PTPRS: variants seen among roughly 807,000 people sequenced by gnomAD.
The protein encoded by PTPRS is receptor-type tyrosine-protein phosphatase S.
PTPRS carries 63 observed loss-of-function variants against 215.3 expected under a neutral mutation model. The ratio of observed to expected loss-of-function variants is 0.29; its 90% CI spans 0.24 to 0.36. The LOEUF is 0.36. Among genes scored for constraint, PTPRS ranks in the 10% least tolerant of loss-of-function variants. The pLI is 1.00. For synonymous variants in PTPRS, 1,404 were observed against 1,191.4 expected (o/e 1.18, Z -3.68); for missense variants, 2,258 against 2,825.8 (o/e 0.80, Z 4.56).
At chr19:5,300,918 A>G (rs1169451565) in intron 1 of PTPRS, among the ~76,000 whole-genome samples, 1 of 152,248 alleles carries the variant, frequency 6.6e-6, no homozygotes, top group African/African-American at 2.4e-5. Context: ...CCAATAGCAC[A>G]GAGGTCAGCA....
intron 6 of PTPRS, among the ~76,000 whole-genome samples, chr19:5,261,488 G>C (rs896577648): frequency 6.6e-6 from 1 of 152,152 alleles, no homozygotes; most frequent in Non-Finnish European, 1.5e-5. Flanking sequence ...AGGAAAAGGC[G>C]GCTCGGGGCT....
In PTPRS at chr19:5,244,055, C is replaced by G; in HGVS notation, c.1416G>C (p.Val472=). The G allele has an allele frequency of 6.2e-7, 1 of 1,610,570 alleles. No homozygotes were observed. ...VYYTMEPEHP[V]GNWQKHNVDD... is the part of the protein sequence containing the mutation. ...CCACGTTGTGCTTCTGCCAGTTGCC[C>G]ACGGGGTGCTCCGGTTCCATGGTGT... Residue 472 remains valine, a synonymous_variant, in exon 11 of 38, where the codon GTG becomes GTC. Coordinates refer to ENST00000262963, the MANE Select transcript of PTPRS (RefSeq NM_002850.4). The surrounding 1 kb of genome is among the most constrained non-coding windows in gnomAD (Gnocchi z 7.2).
intron 2 of PTPRS, among the ~76,000 whole-genome samples, chr19:5,275,602 T>A (rs561210239): frequency 2.8e-4 from 43 of 151,884 alleles, no homozygotes; most frequent in Non-Finnish European, 5.4e-4. Flanking sequence ...GGTCAGCAGT[T>A]CGAGACCAGC....
chr19:5,289,878 G>A (rs1430369885), intron 1 of PTPRS, among the ~76,000 whole-genome samples: 2 of 152,198 alleles, frequency 1.3e-5, no homozygotes, highest in Non-Finnish European at 2.9e-5. Flanking sequence ...GGAGCCCTAC[G>A]TGGCCCTGGG....
In PTPRS at chr19:5,219,299, A is replaced by G. The variant is rs116751783; in HGVS notation, c.3923+11T>C. The stretch of plus-strand genomic sequence containing the variant: ...GCTGTCAAGTCAAGTCGGGGAGGAC[A>G]TGGGGCTTACTTCTTGTAGAGCAGG... On this transcript the variant is annotated intron_variant, in intron 23 of 37. Transcript: ENST00000262963. 2.1e-3 allele frequency: 3,343 copies of G among 1,613,948 alleles called. 64 individuals are homozygous for G. The African/African-American group carries it at 0.04, about 20-fold the overall frequency.
rs779589734 is a variant in PTPRS at position 5,274,214 on chromosome 19, G to A, written c.222C>T (p.Asn74=). The A allele has an allele frequency of 3.1e-6, 5 of 1,613,892 alleles. No individual in the cohort carries two copies. The highest frequency in any genetic ancestry group is 4.2e-6 in the Non-Finnish European group (5 of 1,179,796). ...VTWNKKGKKV[N]SQRFETIEFD... is the part of the protein sequence containing the mutation. ...CCCAACTCACCTCAAAGCGCTGAGA[G>A]TTGACCTTCTTGCCCTTCTTGTTCC... is the stretch of plus-strand genomic sequence containing the variant. Residue 74 remains asparagine, a synonymous_variant, in exon 3 of 38, where the codon AAC becomes AAT. Transcript: ENST00000262963.
At chr19:5,238,485 T>A (rs2043683598) in intron 13 of PTPRS, among the ~76,000 whole-genome samples, 1 of 152,052 alleles carries the variant, frequency 6.6e-6, no homozygotes, top group South Asian at 2.1e-4. Flanking sequence ...CTGTGTCCTT[T>A]GCTCTGAGAA....
intron 16 of PTPRS, among the ~76,000 whole-genome samples, chr19:5,227,983 C>A (rs540620723): frequency 6.6e-6 from 1 of 152,122 alleles, no homozygotes; most frequent in South Asian, 2.1e-4. Context: ...GTGGGGTAGA[C>A]CCAGGCCAAG....
At chr19:5,228,572 G>A (rs1450276922) in intron 16 of PTPRS, among the ~76,000 whole-genome samples, 1 of 152,024 alleles carries the variant, frequency 6.6e-6, no homozygotes, top group African/African-American at 2.4e-5. Context: ...TTGAACTCCT[G>A]ACCTCAGGTG....
Position 5,244,983 on chromosome 19 carries a change from C to G in PTPRS, c.989-501G>C, listed in dbSNP as rs1021986297. On this transcript the variant is annotated intron_variant, in intron 10 of 37. Transcript: ENST00000262963. This position sits in a 1 kb window ranked among gnomAD's most constrained non-coding sequence, Gnocchi z 7.2. ...GCACCCGGCCTTTTTTTTCTTTTTT[C>G]TTTTTTTTTTTTTTTAGACGGAGCC... 9.2e-6 allele frequency among the ~76,000 whole-genome samples: 1 copy of G among 108,150 alleles called. No homozygotes were observed. Among genetic ancestry groups the G allele is most frequent in the Non-Finnish European group, 1.9e-5 (1 of 52,668 alleles). 71.0% of individuals were successfully genotyped at this position (108,150 alleles called of 152,430 possible).
At chr19:5,276,484 A>G (rs1338250921) in intron 2 of PTPRS, among the ~76,000 whole-genome samples, 4 of 151,640 alleles carry the variant, frequency 2.6e-5, no homozygotes, top group Admixed American at 6.6e-5. Context: ...TGGCCTCCCA[A>G]AGTGCTGGGA....
At chr19:5,323,656 C>A (rs1382391694) in intron 1 of PTPRS, among the ~76,000 whole-genome samples, 1 of 152,030 alleles carries the variant, frequency 6.6e-6, no homozygotes, top group South Asian at 2.1e-4. Flanking sequence ...AGAGTGAGGA[C>A]GGGGAGAGAG....
intron 1 of PTPRS, among the ~76,000 whole-genome samples, chr19:5,334,626 T>C (rs779535354): frequency 6.6e-6 from 1 of 152,206 alleles, no homozygotes; most frequent in Non-Finnish European, 1.5e-5. Context: ...GGTGTGTGTG[T>C]GCGGGGGGTG....
intron 2 of PTPRS, among the ~76,000 whole-genome samples, chr19:5,282,484 G>A (rs2047942109): frequency 6.6e-6 from 1 of 152,162 alleles, no homozygotes; most frequent in East Asian, 1.9e-4. Context: ...TTATGCCTGT[G>A]GCCAGGAGGA....
chr19:5,302,306 G>A (rs2049326197), intron 1 of PTPRS, among the ~76,000 whole-genome samples: 1 of 152,150 alleles, frequency 6.6e-6, no homozygotes, highest in Admixed American at 6.6e-5. Context: ...TGAGGTTGCA[G>A]GTGAGCTAAG....
intron 1 of PTPRS, among the ~76,000 whole-genome samples, chr19:5,297,613 C>A (rs543266034): frequency 6.6e-6 from 1 of 152,154 alleles, no homozygotes; most frequent in Admixed American, 6.5e-5. Context: ...TGCAAGGCTG[C>A]AAAAACTGGG....
At chr19:5,256,455 G>A (rs1049494610) in intron 8 of PTPRS, among the ~76,000 whole-genome samples, 1 of 152,026 alleles carries the variant, frequency 6.6e-6, no homozygotes, top group Non-Finnish European at 1.5e-5. Flanking sequence ...CCAAGAGGAT[G>A]GAGGCTCATG....
rs995087096 is a variant in PTPRS, at chr19:5,293,420, C to T, written c.-94-7186G>A. Among the ~76,000 whole-genome samples, 1 of 151,860 alleles carries T rather than the reference C, an allele frequency of 6.6e-6. No homozygotes were observed. The highest frequency in any genetic ancestry group is 2.4e-5 in the African/African-American group (1 of 41,380). On this transcript the variant is annotated intron_variant, in intron 1 of 37. Transcript: ENST00000262963. The surrounding 1 kb of genome is among the most constrained non-coding windows in gnomAD (Gnocchi z 8.4). ...GGGCGGGGGGACCAGAGGGGAGCCC[C>T]ATCTGGAGGCGCGGAGAGCCTCCGC...
At position 5,206,832 on chromosome 19, in the gene PTPRS, T is replaced by C; in HGVS notation, c.5789A>G (p.Gln1930Arg). The change falls in exon 38 of 38, where the codon CAG (glutamine) becomes CGG (arginine). Residue 1930 changes from glutamine to arginine, a missense_variant. Transcript: ENST00000262963. ...CTCCAGTGCCGCCTGGTAACAGAACTGGTACTCATCCTGGGGGAGCAGAGG... is the reference window on the plus strand; with the variant it reads ...CTCCAGTGCCGCCTGGTAACAGAACCGGTACTCATCCTGGGGGAGCAGAGG... ...PAMVQTEDEYQFCYQAALEYL... is the reference protein window; with the variant it reads ...PAMVQTEDEYRFCYQAALEYL... The C allele has an allele frequency of 6.2e-7, 1 of 1,614,046 alleles. No individual in the cohort carries two copies. Among genetic ancestry groups the C allele is most frequent in the South Asian group, 1.1e-5 (1 of 91,078 alleles).
Sources: gnomAD v4.1 joint callset for allele counts (sites outside exome capture counted in the v4.1 genomes callset) on GRCh38, gnomAD v4.1.1 for gene constraint, Gnocchi (gnomAD v3.1) non-coding constraint, MANE v1.5 for transcripts, NCBI Gene and HGNC (gene_info 2026-07-23, HGNC 2026-07-21) for gene names.